Variants in MTARC2 observed in about 807,000 individuals in gnomAD.
MTARC2 encodes MOCO sulphurase C-terminal domain containing 2.
Under a neutral mutation model 35.6 loss-of-function variants are expected in MTARC2, and 27 were observed. That is an observed-to-expected ratio of 0.76 (90% CI 0.56 to 1.04). The LOEUF (loss-of-function observed/expected upper bound fraction) is 1.04, where lower values mean the gene tolerates loss of function less well. Ranked by LOEUF, MTARC2 falls within the 50% of genes least tolerant of loss-of-function variation. The pLI, the probability that MTARC2 is intolerant of heterozygous loss-of-function variation, is 0.00. For synonymous variants in MTARC2, 158 were observed against 167.1 expected, an observed-to-expected ratio of 0.95 and a Z score of 0.42; for missense variants, 412 against 432.5, an observed-to-expected ratio of 0.95 and a Z score of 0.42.
intron 1 of MTARC2, among the ~76,000 whole-genome samples, chr1:220,752,315 TC>T (rs2102541262): frequency 6.6e-6 from 1 of 150,826 alleles, no homozygotes; most frequent in African/African-American, 2.4e-5. Flanking sequence ...TCAAAGGGAG[TC>T]TTGTCTGGGG....
Position 220,754,993 on chromosome 1 carries a change from C to T in MTARC2, c.319C>T (p.Gln107Ter), listed in dbSNP as rs2102544383. ...KEDGHMVTAR[Q>*]EPRLVLISII... ...AGATGGACACATGGTCACTGCCCGACAGGAGCCTCGCCTCGTGCTCATCTC... is the reference window on the plus strand; with the variant it reads ...AGATGGACACATGGTCACTGCCCGATAGGAGCCTCGCCTCGTGCTCATCTC... Residue 107 changes from glutamine to a stop codon, truncating the protein, a stop_gained, in exon 2 of 8, where the codon CAG (glutamine) becomes TAG (stop). Transcript: ENST00000366913. LOFTEE classifies it high-confidence loss of function. 1.2e-6 allele frequency: 2 copies of T among 1,611,318 alleles called. No individual in the cohort carries two copies. Among genetic ancestry groups the T allele is most frequent in the East Asian group, 2.2e-5 (1 of 44,702 alleles).
chr1:220,754,647 G>A (rs1165673163), intron 1 of MTARC2, among the ~76,000 whole-genome samples: 4 of 152,194 alleles, frequency 2.6e-5, no homozygotes, highest in African/African-American at 9.7e-5. Context: ...AAGCAGCAGG[G>A]TTGACTAAGC....
At chr1:220,752,903 C>T (rs1426434686) in intron 1 of MTARC2, among the ~76,000 whole-genome samples, 1 of 151,672 alleles carries the variant, frequency 6.6e-6, no homozygotes, top group Admixed American at 6.6e-5. Context: ...AAATAATACA[C>T]ATATGCATAT....
At position 220,761,182 on chromosome 1, in the gene MTARC2, C is replaced by G. The variant is rs562856766; in HGVS notation, c.447-476C>G. ...CCATATAATTATTTCCAATTTACAA[C>G]TGAAGACAGGTCAGAGGAGTTAAAT... On this transcript the variant is annotated intron_variant, in intron 2 of 7. Coordinates refer to ENST00000366913, the MANE Select transcript of MTARC2 (RefSeq NM_017898.5). 3.3e-5 allele frequency among the ~76,000 whole-genome samples: 5 copies of G among 152,352 alleles called. No individual in the cohort carries two copies. In the South Asian group the frequency reaches 1.0e-3, roughly 32 times the overall value.
At chr1:220,780,377 T>C (rs1051218584) in intron 6 of MTARC2, 138 bp downstream of exon 6, 20 of 665,540 alleles carry the variant, frequency 3.0e-5, no homozygotes, top group Non-Finnish European at 4.0e-5. Flanking sequence ...TTCTGACTGA[T>C]TCGCGTCTAT....
At chr1:220,762,883 G>A (rs1558068028) in intron 3 of MTARC2, 27 bp from the exon 4 acceptor site, 1 of 1,613,530 alleles carries the variant, frequency 6.2e-7, no homozygotes, top group South Asian at 1.1e-5. Flanking sequence ...GAGTGGTGGG[G>A]CCTGACTATC....
At position 220,783,875 on chromosome 1, in the gene MTARC2, AG is replaced by A. The variant is rs113341366; in HGVS notation, c.*32-42del. Reference sequence around the variant, plus strand: ...GGAGTTTGAATTATTTATGAACAGTAGGATAAACAACCAAATAACCAGAGAT... The same window carrying A: ...GGAGTTTGAATTATTTATGAACAGTAGATAAACAACCAAATAACCAGAGAT... On this transcript the variant is annotated intron_variant, in intron 7 of 7. Transcript: ENST00000366913. 3.6e-3 allele frequency: 2,559 copies of A among 717,294 alleles called. 51 individuals carry two copies. In the African/African-American group the frequency reaches 0.036, roughly 10 times the overall value. The allele number at this position is 717,294 out of a possible 1,614,324, so 44.4% of individuals were successfully genotyped here.
chr1:220,768,117 C>A (rs1671634838), intron 4 of MTARC2, among the ~76,000 whole-genome samples: 2 of 152,192 alleles, frequency 1.3e-5, no homozygotes, highest in Non-Finnish European at 2.9e-5. Flanking sequence ...AGGCACCGTG[C>A]CAAACCCTTT....
intron 4 of MTARC2, among the ~76,000 whole-genome samples, chr1:220,764,356 G>A (rs1671522048): frequency 6.6e-6 from 1 of 152,114 alleles, no homozygotes; most frequent in African/African-American, 2.4e-5. Context: ...GCCTCCCAAA[G>A]TGCTTGGATT....
At chr1:220,775,454 C>T (rs1402308113) in intron 4 of MTARC2, among the ~76,000 whole-genome samples, 1 of 152,206 alleles carries the variant, frequency 6.6e-6, no homozygotes, top group Non-Finnish European at 1.5e-5. Flanking sequence ...GCGCACTAAG[C>T]GTCTCGAGCT....
intron 4 of MTARC2, among the ~76,000 whole-genome samples, chr1:220,769,854 T>C (rs562838697): frequency 5.8e-4 from 85 of 147,718 alleles, no homozygotes; most frequent in Non-Finnish European, 1.0e-3. Flanking sequence ...TTTCTTTTTT[T>C]TTTTGGCGGT....
chr1:220,774,577 T>G (rs796581115), intron 4 of MTARC2, among the ~76,000 whole-genome samples: 3,613 of 152,302 alleles, frequency 0.024, 109 homozygotes, highest in African/African-American at 0.064. Flanking sequence ...CGACAGAGAT[T>G]AAGCAGATGA....
intron 1 of MTARC2, among the ~76,000 whole-genome samples, chr1:220,752,776 G>A (rs1671160139): frequency 6.6e-6 from 1 of 152,130 alleles, no homozygotes; most frequent in South Asian, 2.1e-4. Flanking sequence ...GAGCCCAGCA[G>A]TTCAAGGCTG....
chr1:220,778,180 T>G (rs988151488), intron 4 of MTARC2, among the ~76,000 whole-genome samples: 6 of 139,696 alleles, frequency 4.3e-5, no homozygotes, highest in Non-Finnish European at 9.1e-5. Context: ...AGGCGGAGAT[T>G]GCGGCTGCAG....
intron 4 of MTARC2, among the ~76,000 whole-genome samples, chr1:220,775,861 GT>G (rs1402590450): frequency 2.0e-5 from 3 of 152,116 alleles, no homozygotes; most frequent in African/African-American, 7.2e-5. Context: ...CATAATCTGT[GT>G]TTTTTTATGG....
chr1:220,768,540 T>C (rs1263671251), intron 4 of MTARC2, among the ~76,000 whole-genome samples: 1 of 152,156 alleles, frequency 6.6e-6, no homozygotes, highest in Non-Finnish European at 1.5e-5. Flanking sequence ...CAAAAGTCCC[T>C]GAATATCAGC....
chr1:220,758,000 T>A (rs946338040), intron 2 of MTARC2, among the ~76,000 whole-genome samples: 93 of 152,322 alleles, frequency 6.1e-4, no homozygotes, highest in African/African-American at 2.1e-3. Flanking sequence ...TATTATTATT[T>A]TTGAGATGGA....
At chr1:220,749,007 C>T (rs1479223568) in intron 1 of MTARC2, among the ~76,000 whole-genome samples, 3 of 152,210 alleles carry the variant, frequency 2.0e-5, no homozygotes, top group Admixed American at 1.3e-4. Context: ...GGGGCAATCC[C>T]TTGCCCTTCC....
rs1671241798 is a variant in MTARC2, at chr1:220,755,140, C to T, written c.446+20C>T. The T allele has an allele frequency of 6.3e-7, 1 of 1,579,782 alleles. No individual in the cohort carries two copies. The highest frequency in any genetic ancestry group is 8.6e-7 in the Non-Finnish European group (1 of 1,163,614). ...CTGCAGGTGTTCCGCTTGGGGGCAT[C>T]CACAGAACTGCAACAGGCTTGGTTT... On this transcript the variant is annotated intron_variant, in intron 2 of 7. Coordinates refer to ENST00000366913, the MANE Select transcript of MTARC2 (RefSeq NM_017898.5).
Sources: gnomAD v4.1 joint callset for allele counts (sites outside exome capture counted in the v4.1 genomes callset) on GRCh38, gnomAD v4.1.1 for gene constraint, MANE v1.5 for transcripts, NCBI Gene and HGNC (gene_info 2026-07-23, HGNC 2026-07-21) for gene names.